The following ZPLD1 variants were observed in gnomAD, a reference collection of about 807,000 sequenced individuals.
The protein encoded by ZPLD1 is zona pellucida like domain containing 1.
In ZPLD1, 34 loss-of-function variants were observed where a neutral mutation model predicts 47.2. The observed-to-expected ratio is 0.72, with a 90% CI of 0.55 to 0.96. ZPLD1 has a LOEUF of 0.96. Among genes scored for constraint, ZPLD1 ranks in the 40% least tolerant of loss-of-function variants. The pLI, the probability that ZPLD1 is intolerant of heterozygous loss-of-function variation, is 0.00. For synonymous variants in ZPLD1, 176 were observed against 186.2 expected, an observed-to-expected ratio of 0.95 and a Z score of 0.45; for missense variants, 512 against 505.8, an observed-to-expected ratio of 1.01 and a Z score of -0.12.
intron 1 of ZPLD1, among the ~76,000 whole-genome samples, chr3:102,436,049 G>T (rs1576145619): frequency 6.6e-6 from 1 of 152,158 alleles, no homozygotes; most frequent in Non-Finnish European, 1.5e-5. Context: ...AAAGAAAGCT[G>T]CCTTCTACTT....
At chr3:102,438,426 T>C in intron 2 of ZPLD1, 54 bp from the exon 3 acceptor site, 2 of 1,289,720 alleles carry the variant, frequency 1.6e-6, no homozygotes, top group Non-Finnish European at 2.2e-6. Context: ...TTCCAGTAAG[T>C]AGGAGTGAAG....
In ZPLD1 at chr3:102,458,287, A is replaced by G. The variant is rs564927023; in HGVS notation, c.582+434A>G. On this transcript the variant is annotated intron_variant, in intron 6 of 11. Transcript: ENST00000466937. ...GGTGATGAATGTGTTAATATTTTCA[A>G]TATGGGTTTTGGCTGATGACAATTC... is the stretch of plus-strand genomic sequence containing the variant. Among the ~76,000 whole-genome samples, 7 of 152,290 alleles carry G rather than the reference A, an allele frequency of 4.6e-5. No homozygotes were observed. The East Asian group carries it at 1.4e-3, about 29-fold the overall frequency.
chr3:102,461,984 A>G (rs1707513020), intron 6 of ZPLD1, among the ~76,000 whole-genome samples: 1 of 152,076 alleles, frequency 6.6e-6, no homozygotes, highest in Non-Finnish European at 1.5e-5. Context: ...AATATTAACC[A>G]AACTGAATAT....
chr3:102,388,429 G>GTCTC (rs71781267), intron 6 of ZPLD1, among the ~76,000 whole-genome samples: 77 of 136,002 alleles, frequency 5.7e-4, no homozygotes, highest in African/African-American at 1.2e-3. Context: ...CTCTCCTGGA[G>GTCTC]TCTCTCTCTC....
At chr3:102,402,128 A>G (rs1376492047) in intron 7 of ZPLD1, among the ~76,000 whole-genome samples, 1 of 152,092 alleles carries the variant, frequency 6.6e-6, no homozygotes, top group African/African-American at 2.4e-5. Context: ...GGCATTTCTT[A>G]GCCCACAAGA....
intron 7 of ZPLD1, among the ~76,000 whole-genome samples, chr3:102,399,929 G>T (rs571370179): frequency 6.6e-6 from 1 of 151,714 alleles, no homozygotes; most frequent in Non-Finnish European, 1.5e-5. Flanking sequence ...AGCAATTCTC[G>T]TGCCTCAGTA....
chr3:102,405,510 G>T (rs907837317), intron 7 of ZPLD1, among the ~76,000 whole-genome samples: 1 of 151,936 alleles, frequency 6.6e-6, no homozygotes, highest in Non-Finnish European at 1.5e-5. Flanking sequence ...TGTGGTATAA[G>T]GAACAAGAAC....
At chr3:102,388,453 G>GTCTCTCTCTCTC (rs1199534080) in intron 6 of ZPLD1, among the ~76,000 whole-genome samples, 1 of 143,672 alleles carries the variant, frequency 7.0e-6, no homozygotes, top group African/African-American at 2.7e-5. Context: ...CTCTCTCTCT[G>GTCTCTCTCTCTC]TCTGTGTGTG....
At chr3:102,437,407 T>C (rs1383490997) in intron 2 of ZPLD1, among the ~76,000 whole-genome samples, 1 of 152,228 alleles carries the variant, frequency 6.6e-6, no homozygotes, top group African/African-American at 2.4e-5. Context: ...TCCTTCCTTT[T>C]CCTAAAGACT....
chr3:102,388,443 CTCTCTCTCTG>C (rs1706458079), intron 6 of ZPLD1, among the ~76,000 whole-genome samples: 1 of 139,864 alleles, frequency 7.1e-6, no homozygotes, highest in African/African-American at 2.7e-5. Context: ...CTCTCTCTCT[CTCTCTCTCTG>C]TCTGTGTGTG....
At chr3:102,391,995 T>TAACC (rs927897803) in intron 6 of ZPLD1, among the ~76,000 whole-genome samples, 7 of 152,092 alleles carry the variant, frequency 4.6e-5, no homozygotes, top group East Asian at 1.9e-4. Flanking sequence ...CCTAATCAAC[T>TAACC]AACCAACCAA....
At chr3:102,473,318 C>G (rs1261281170) in intron 10 of ZPLD1, among the ~76,000 whole-genome samples, 1 of 152,162 alleles carries the variant, frequency 6.6e-6, no homozygotes, top group Non-Finnish European at 1.5e-5. Context: ...AACCAGCTCT[C>G]CAGGTTTATA....
In ZPLD1 at chr3:102,457,779, AG is replaced by A; in HGVS notation, c.510del. 1 of 1,613,850 alleles carries A rather than the reference AG, an allele frequency of 6.2e-7. No homozygotes were observed. The highest frequency in any genetic ancestry group is 8.5e-7 in the Non-Finnish European group (1 of 1,179,820). ...GCTTTCCTTTTTCTAAATGTGTTTT[AG>A]GTCCTCAGCGGCTATTTCTGTGAGA... On this transcript the variant is annotated splice_acceptor_variant, in intron 5 of 11. Coordinates refer to ENST00000466937, the MANE Select transcript of ZPLD1 (RefSeq NM_001329788.2). LOFTEE classifies it high-confidence loss of function.
chr3:102,466,456 G>T, intron 8 of ZPLD1, among the ~76,000 whole-genome samples: 1 of 152,172 alleles, frequency 6.6e-6, no homozygotes, highest in South Asian at 2.1e-4. Flanking sequence ...AAAATTTAAA[G>T]GTGAATTAAA....
chr3:102,452,978 T>C lies in ZPLD1; in HGVS notation c.166T>C (p.Cys56Arg). 6.2e-7 allele frequency: 1 copy of C among 1,614,192 alleles called. No individual in the cohort carries two copies. Among genetic ancestry groups the C allele is most frequent in the East Asian group, 2.2e-5 (1 of 44,878 alleles). The change falls in exon 4 of 12, where the codon TGC (cysteine) becomes CGC (arginine). Residue 56 changes from cysteine (C) to arginine (R), a missense_variant. Physicochemically the swap from Cys to Arg is radical, Grantham distance 180. Coordinates refer to ENST00000466937, the MANE Select transcript of ZPLD1 (RefSeq NM_001329788.2). ...VQAITMKINFCTVLFSGYSET... is the reference protein window; with the variant it reads ...VQAITMKINFRTVLFSGYSET... Reference sequence around the variant, plus strand: ...GGCTATTACGATGAAGATTAATTTTTGCACGGTACTTTTCTCGGGTTATTC... The same window carrying C: ...GGCTATTACGATGAAGATTAATTTTCGCACGGTACTTTTCTCGGGTTATTC...
chr3:102,393,334 C>T (rs1706521468), intron 7 of ZPLD1, among the ~76,000 whole-genome samples: 1 of 152,098 alleles, frequency 6.6e-6, no homozygotes. Context: ...AGGCTTTTGT[C>T]TAGAAAAGTC....
chr3:102,464,302 G>A (rs759657216), intron 8 of ZPLD1, 51 bp downstream of exon 8: 1 of 1,267,462 alleles, frequency 7.9e-7, no homozygotes, highest in Non-Finnish European at 1.1e-6. Context: ...CCCAGTTGTA[G>A]ATAATTGAAA....
intron 7 of ZPLD1, among the ~76,000 whole-genome samples, chr3:102,414,134 G>C (rs1376191857): frequency 2.0e-5 from 3 of 151,698 alleles, no homozygotes; most frequent in African/African-American, 7.3e-5. Context: ...AGCCTTGGTG[G>C]TCCTTGAAGT....
At chr3:102,407,142 T>C (rs1402926492) in intron 7 of ZPLD1, among the ~76,000 whole-genome samples, 1 of 151,410 alleles carries the variant, frequency 6.6e-6, no homozygotes, top group African/African-American at 2.4e-5. Context: ...ACTCTTAAAG[T>C]TGTTTTTTAG....
Sources: allele counts gnomAD v4.1 joint callset (sites outside exome capture counted in the v4.1 genomes callset), GRCh38; gene constraint gnomAD v4.1.1; transcripts MANE v1.5; gene names NCBI Gene and HGNC (gene_info 2026-07-23, HGNC 2026-07-21).